WDR36: variants seen among roughly 807,000 people sequenced by gnomAD.
WDR36 encodes the protein WD repeat-containing protein 36.
A neutral mutation model predicts 112.7 loss-of-function variants in WDR36; 63 were observed. The ratio of observed to expected loss-of-function variants is 0.56; its 90% CI spans 0.46 to 0.69. The LOEUF is 0.69. Ranked by LOEUF, WDR36 falls within the 30% of genes least tolerant of loss-of-function variation. The probability of loss-of-function intolerance (pLI) is 0.00; values close to 1 mark genes in which losing one functional copy is unlikely to be tolerated. For missense variants in WDR36, 1,226 were observed against 1,070.3 expected, an observed-to-expected ratio of 1.15 and a Z score of -2.03; for synonymous variants, 410 against 362.2, an observed-to-expected ratio of 1.13 and a Z score of -1.50.
chr5:111,125,408 C>A (rs542277794), intron 21 of WDR36, among the ~76,000 whole-genome samples, 200 bp from the exon 22 acceptor site: 32 of 152,028 alleles, frequency 2.1e-4, no homozygotes, highest in Non-Finnish European at 4.4e-5. Context: ...TGAGTACTTT[C>A]TCTTATATTG....
Position 111,094,778 on chromosome 5 carries a change from G to T in WDR36, c.163-142G>T, listed in dbSNP as rs181649750. Reference sequence around the variant, plus strand: ...TGAAAATATAAACTTTCCTAATAAAGAAAATTAGTGTCAGTAAGTGTCTTT... The same window carrying T: ...TGAAAATATAAACTTTCCTAATAAATAAAATTAGTGTCAGTAAGTGTCTTT... On this transcript the variant is annotated intron_variant, in intron 1 of 22. Coordinates refer to ENST00000513710, the MANE Select transcript of WDR36 (RefSeq NM_139281.3). The T allele has an allele frequency of 5.8e-6, 4 of 692,526 alleles. No individual in the cohort carries two copies. In the East Asian group the frequency reaches 8.5e-5, roughly 15 times the overall value. The allele number at this position is 692,526 out of a possible 1,614,324, so 42.9% of individuals were successfully genotyped here. A position where few individuals can be genotyped will look rare whatever the true frequency, so the allele number is the denominator to read the frequency against.
chr5:111,099,879 T>C (rs1411781926), intron 4 of WDR36, among the ~76,000 whole-genome samples: 1 of 152,088 alleles, frequency 6.6e-6, no homozygotes, highest in Non-Finnish European at 1.5e-5. Context: ...TGTACCTTCT[T>C]TGATACACAA....
chr5:111,107,871 T>G (rs1271403182), intron 12 of WDR36, among the ~76,000 whole-genome samples: 2 of 151,480 alleles, frequency 1.3e-5, no homozygotes, highest in Non-Finnish European at 3.0e-5. Context: ...AGTACCACAC[T>G]GTCTTGATTT....
intron 2 of WDR36, among the ~76,000 whole-genome samples, chr5:111,095,806 A>G (rs1580389071): frequency 6.6e-6 from 1 of 152,168 alleles, no homozygotes; most frequent in African/African-American, 2.4e-5. Context: ...CTGTAAGGAG[A>G]AGTTTTCCCT....
At chr5:111,120,695 GT>G (rs1489305981) in intron 18 of WDR36, 102 bp downstream of exon 18, 10 of 973,000 alleles carry the variant, frequency 1.0e-5, no homozygotes, top group Non-Finnish European at 1.6e-5. Context: ...CAATCAAAGT[GT>G]TTTTTAACTG....
intron 1 of WDR36, 108 bp downstream of exon 1, chr5:111,092,726 C>T (rs756273269): frequency 1.3e-5 from 16 of 1,264,638 alleles, no homozygotes; most frequent in Middle Eastern, 3.6e-4. Context: ...GGCTTCCCTT[C>T]TTTAACCCCT....
At chr5:111,111,368 G>A in intron 15 of WDR36, 90 bp downstream of exon 15, 3 of 1,025,712 alleles carry the variant, frequency 2.9e-6, no homozygotes, top group South Asian at 1.3e-5. Flanking sequence ...CATTATATGA[G>A]GTGGTTATCA....
intron 4 of WDR36, among the ~76,000 whole-genome samples, chr5:111,099,084 T>G (rs1753056654): frequency 6.6e-6 from 1 of 152,174 alleles, no homozygotes; most frequent in Non-Finnish European, 1.5e-5. Flanking sequence ...CCATTGCAGT[T>G]CTCCAACTTT....
intron 11 of WDR36, among the ~76,000 whole-genome samples, chr5:111,106,491 C>T (rs1431062445): frequency 1.3e-5 from 2 of 151,352 alleles, no homozygotes; most frequent in Non-Finnish European, 3.0e-5. Context: ...TAATTAAGAT[C>T]TAAGAATACT....
At chr5:111,098,206 G>C (rs1187130133) in intron 3 of WDR36, among the ~76,000 whole-genome samples, 1 of 152,170 alleles carries the variant, frequency 6.6e-6, no homozygotes, top group African/African-American at 2.4e-5. Context: ...GGAATCTAGT[G>C]AGAACTGAAA....
chr5:111,106,333 A>G (rs1392266242), intron 11 of WDR36, among the ~76,000 whole-genome samples, 190 bp downstream of exon 11: 5 of 151,524 alleles, frequency 3.3e-5, no homozygotes, highest in Non-Finnish European at 5.9e-5. Flanking sequence ...CTTCTTATCT[A>G]TTAACATCAG....
In WDR36 at chr5:111,092,404, G is replaced by T. The variant is rs778480501; in HGVS notation, c.-53G>T. 7 of 1,614,240 alleles carry T rather than the reference G, an allele frequency of 4.3e-6. No individual in the cohort carries two copies. In the South Asian group the frequency reaches 4.4e-5, roughly 10 times the overall value. ...CCACTAGACACGCTGAAGGGACTGG[G>T]TACGTGTTTTCCTTCAGGACCAGAG... is the stretch of plus-strand genomic sequence containing the variant. On this transcript the variant is annotated 5_prime_UTR_variant, in exon 1 of 23. Coordinates refer to ENST00000513710, the MANE Select transcript of WDR36 (RefSeq NM_139281.3).
At chr5:111,093,642 T>C (rs1384870366) in intron 1 of WDR36, among the ~76,000 whole-genome samples, 1 of 152,196 alleles carries the variant, frequency 6.6e-6, no homozygotes, top group Non-Finnish European at 1.5e-5. Flanking sequence ...AACTTTTGCT[T>C]TTGCTGGTTA....
At chr5:111,111,689 C>G (rs1212740509) in intron 15 of WDR36, 1 of 185,648 alleles carries the variant, frequency 5.4e-6, no homozygotes, top group Non-Finnish European at 1.1e-5. Context: ...TAGTTTAGTG[C>G]TATTTCTAGA....
intron 2 of WDR36, among the ~76,000 whole-genome samples, chr5:111,095,974 G>A (rs557001693): frequency 1.4e-4 from 22 of 152,274 alleles, no homozygotes; most frequent in African/African-American, 5.3e-4. Flanking sequence ...ATGTGTATGT[G>A]TATTAAACTT....
intron 10 of WDR36, among the ~76,000 whole-genome samples, chr5:111,105,642 G>A (rs1753208947): frequency 6.6e-6 from 1 of 151,462 alleles, no homozygotes; most frequent in African/African-American, 2.4e-5. Flanking sequence ...TCTGTAGAGT[G>A]CACAGTTTTT....
chr5:111,106,293 AG>A, intron 11 of WDR36, 150 bp downstream of exon 11: 1 of 734,516 alleles, frequency 1.4e-6, no homozygotes. Flanking sequence ...TCTTGTGTGA[AG>A]ACTAAAAATG....
chr5:111,099,251 A>T (rs1455214841), intron 4 of WDR36, among the ~76,000 whole-genome samples: 1 of 152,046 alleles, frequency 6.6e-6, no homozygotes, highest in East Asian at 1.9e-4. Flanking sequence ...TTTCCTAGGG[A>T]TATGAGTCAG....
rs1302286725 is a variant in WDR36 at position 111,128,913 on chromosome 5, G to A, written c.*2030G>A. ...TTCAGTCCCAATATCCTCTGTAGAA[G>A]TAATAGTTTTAACTCTCCTAGATCT... is the stretch of plus-strand genomic sequence containing the variant. On this transcript the variant is annotated 3_prime_UTR_variant, in exon 23 of 23. Coordinates refer to ENST00000513710, the MANE Select transcript of WDR36 (RefSeq NM_139281.3). The A allele has an allele frequency of 5.2e-6, 1 of 192,760 alleles. No homozygotes were observed. The allele number at this position is 192,760 out of a possible 1,614,324, so 11.9% of individuals were successfully genotyped here.
Sources: gnomAD v4.1 joint callset for allele counts (sites outside exome capture counted in the v4.1 genomes callset) on GRCh38, gnomAD v4.1.1 for gene constraint, MANE v1.5 for transcripts, NCBI Gene and HGNC (gene_info 2026-07-23, HGNC 2026-07-21) for gene names.